EBF1: variants seen among roughly 807,000 people sequenced by gnomAD.
The protein encoded by EBF1 is transcription factor COE1.
In EBF1, 10 loss-of-function variants were observed where a neutral mutation model predicts 68.4. That is an observed-to-expected ratio of 0.15 (90% CI 0.09 to 0.25). The LOEUF is 0.25. Among genes scored for constraint, EBF1 ranks in the 10% least tolerant of loss-of-function variants. EBF1 has a pLI of 1.00. For missense variants in EBF1, 509 were observed against 794.4 expected (o/e 0.64, Z 4.32); for synonymous variants, 298 against 299.8 (o/e 0.99, Z 0.06).
At chr5:159,023,012 C>A (rs927651498) in intron 6 of EBF1, among the ~76,000 whole-genome samples, 3 of 152,080 alleles carry the variant, frequency 2.0e-5, no homozygotes, top group Non-Finnish European at 2.9e-5. Flanking sequence ...TGAATTGAGA[C>A]CTTGCCTTCC....
intron 6 of EBF1, among the ~76,000 whole-genome samples, chr5:159,015,170 G>A (rs1185444158): frequency 6.6e-6 from 1 of 152,178 alleles, no homozygotes; most frequent in Non-Finnish European, 1.5e-5. Context: ...CGTGAAAGAG[G>A]ATGAGTAAAA....
intron 6 of EBF1, among the ~76,000 whole-genome samples, chr5:158,877,969 C>T (rs1459370501): frequency 6.6e-6 from 1 of 151,760 alleles, no homozygotes; most frequent in South Asian, 2.1e-4. Flanking sequence ...TGGAAAATAA[C>T]ATAACTCCAT....
intron 11 of EBF1, among the ~76,000 whole-genome samples, chr5:158,726,093 C>T (rs1762928745): frequency 6.6e-6 from 1 of 152,130 alleles, no homozygotes; most frequent in Non-Finnish European, 1.5e-5. Context: ...GCATGTTTAG[C>T]TGTAAATAAT....
intron 7 of EBF1, among the ~76,000 whole-genome samples, chr5:158,824,787 A>G (rs1236893832): frequency 6.6e-6 from 1 of 152,242 alleles, no homozygotes; most frequent in Admixed American, 6.5e-5. Flanking sequence ...GCCAGTCCCC[A>G]CAGTCTTCCC....
intron 9 of EBF1, among the ~76,000 whole-genome samples, 159 bp downstream of exon 9, chr5:158,796,186 C>A (rs765930516): frequency 6.6e-6 from 1 of 152,088 alleles, no homozygotes; most frequent in African/African-American, 2.4e-5. Context: ...TCCTGGTAAA[C>A]CCAAACCAAC....
chr5:158,766,557 G>T (rs1179245386), intron 10 of EBF1, among the ~76,000 whole-genome samples: 1 of 152,114 alleles, frequency 6.6e-6, no homozygotes, highest in East Asian at 1.9e-4. Context: ...TGGTTTACTT[G>T]CTCTGGAAGC....
At chr5:159,078,303 A>G (rs1689089144) in intron 5 of EBF1, among the ~76,000 whole-genome samples, 1 of 152,158 alleles carries the variant, frequency 6.6e-6, no homozygotes, top group Non-Finnish European at 1.5e-5. Flanking sequence ...TCCACTATAC[A>G]CAGGAGGAAA....
chr5:158,739,114 T>C (rs1765776662), intron 10 of EBF1, among the ~76,000 whole-genome samples: 1 of 152,188 alleles, frequency 6.6e-6, no homozygotes, highest in Non-Finnish European at 1.5e-5. Context: ...AAATGCTGAT[T>C]TGACTTTAGA....
chr5:158,745,586 G>C (rs1767380406), intron 10 of EBF1, among the ~76,000 whole-genome samples: 1 of 152,176 alleles, frequency 6.6e-6, no homozygotes, highest in African/African-American at 2.4e-5. Flanking sequence ...GAGCTGAAGA[G>C]ACTAGACCAG....
intron 8 of EBF1, among the ~76,000 whole-genome samples, chr5:158,818,004 C>A (rs1456428150): frequency 1.3e-5 from 2 of 152,182 alleles, no homozygotes; most frequent in Non-Finnish European, 2.9e-5. Context: ...TCACCTCCTG[C>A]AGAAAGTCAT....
At chr5:158,960,396 A>G (rs1184580070) in intron 6 of EBF1, among the ~76,000 whole-genome samples, 3 of 152,300 alleles carry the variant, frequency 2.0e-5, no homozygotes, top group Non-Finnish European at 1.5e-5. Context: ...AAGAACTAAA[A>G]GAAAATATAG....
chr5:159,054,790 T>G (rs1033077702), intron 6 of EBF1, among the ~76,000 whole-genome samples: 4 of 152,208 alleles, frequency 2.6e-5, no homozygotes, highest in African/African-American at 9.6e-5. Flanking sequence ...CTCAACCAGA[T>G]TAAGAGACAA....
At chr5:158,872,432 C>T (rs182257201) in intron 6 of EBF1, among the ~76,000 whole-genome samples, 1 of 152,170 alleles carries the variant, frequency 6.6e-6, no homozygotes, top group Admixed American at 6.5e-5. Context: ...CCTGACCCCG[C>T]GAACTGATCC....
At chr5:158,714,525 C>T (rs1168708762) in intron 11 of EBF1, among the ~76,000 whole-genome samples, 1 of 152,178 alleles carries the variant, frequency 6.6e-6, no homozygotes. Context: ...TGGTATGAAT[C>T]CCTAAGATGT....
intron 10 of EBF1, among the ~76,000 whole-genome samples, chr5:158,765,500 C>T (rs1404781732): frequency 1.3e-5 from 2 of 152,102 alleles, no homozygotes; most frequent in Non-Finnish European, 2.9e-5. Context: ...GGAGTTGGTG[C>T]TTCCTGCAGC....
intron 6 of EBF1, among the ~76,000 whole-genome samples, chr5:158,850,946 G>T (rs1373685101): frequency 6.6e-6 from 1 of 152,140 alleles, no homozygotes; most frequent in Non-Finnish European, 1.5e-5. Flanking sequence ...GGCAGAAGTT[G>T]CAGTGAGCTG....
chr5:158,827,754 G>C (rs1049589484), intron 7 of EBF1, among the ~76,000 whole-genome samples: 1 of 152,178 alleles, frequency 6.6e-6, no homozygotes, highest in Non-Finnish European at 1.5e-5. Flanking sequence ...ATTAACAAAA[G>C]TAGCAGTTTG....
intron 6 of EBF1, among the ~76,000 whole-genome samples, chr5:159,060,941 C>CACACAA (rs1043373817): frequency 2.9e-5 from 4 of 135,980 alleles, no homozygotes; most frequent in African/African-American, 1.1e-4. Context: ...CATACACACA[C>CACACAA]ACACACACAC....
At chr5:158,757,770 T>C (rs1453635759) in intron 10 of EBF1, among the ~76,000 whole-genome samples, 1 of 152,210 alleles carries the variant, frequency 6.6e-6, no homozygotes, top group Non-Finnish European at 1.5e-5. Context: ...GTTTTTAAGA[T>C]TAGATGTCTA....
Sources: gnomAD v4.1 joint callset for allele counts (sites outside exome capture counted in the v4.1 genomes callset) on GRCh38, gnomAD v4.1.1 for gene constraint, MANE v1.5 for transcripts, NCBI Gene and HGNC (gene_info 2026-07-23, HGNC 2026-07-21) for gene names.